HLCS: variants seen among roughly 807,000 people sequenced by gnomAD.
HLCS encodes the protein holocarboxylase synthetase.
A neutral mutation model predicts 75.0 loss-of-function variants in HLCS; 53 were observed. That is an observed-to-expected ratio of 0.71 (90% CI 0.57 to 0.89). The LOEUF (loss-of-function observed/expected upper bound fraction) is 0.89, where lower values mean the gene tolerates loss of function less well. Among genes scored for constraint, HLCS ranks in the 40% least tolerant of loss-of-function variants. The pLI is 0.00. For missense variants in HLCS, 966 were observed against 1,074.0 expected (o/e 0.90, Z 1.41); for synonymous variants, 431 against 428.6 (o/e 1.01, Z -0.07).
intron 6 of HLCS, among the ~76,000 whole-genome samples, chr21:36,837,456 T>C (rs1280506563): frequency 6.6e-6 from 1 of 152,104 alleles, no homozygotes; most frequent in African/African-American, 2.4e-5. Context: ...ATCTTGGCCA[T>C]GTCCACGTCA....
chr21:36,856,969 T>C (rs1329305173), intron 6 of HLCS, among the ~76,000 whole-genome samples: 1 of 152,246 alleles, frequency 6.6e-6, no homozygotes, highest in Admixed American at 6.5e-5. Context: ...TGCAGGCAGT[T>C]CTCACTTTGC....
intron 6 of HLCS, among the ~76,000 whole-genome samples, chr21:36,869,990 C>T (rs1336276755): frequency 2.6e-5 from 4 of 152,118 alleles, no homozygotes; most frequent in Non-Finnish European, 2.9e-5. Flanking sequence ...AAATAAAACC[C>T]GTGAACCCTA....
At chr21:36,816,608 G>A (rs1294032721) in intron 6 of HLCS, among the ~76,000 whole-genome samples, 2 of 152,180 alleles carry the variant, frequency 1.3e-5, no homozygotes, top group South Asian at 4.1e-4. Flanking sequence ...ATTGCCTTCT[G>A]CCACTCAGCC....
chr21:36,894,315 C>T (rs910496619), intron 6 of HLCS, among the ~76,000 whole-genome samples: 13 of 152,100 alleles, frequency 8.5e-5, no homozygotes, highest in African/African-American at 1.2e-4. Context: ...TATAGCAATG[C>T]GAGAACGAAC....
chr21:36,829,303 C>T (rs1312659345), intron 6 of HLCS, among the ~76,000 whole-genome samples: 2 of 152,152 alleles, frequency 1.3e-5, no homozygotes, highest in East Asian at 3.8e-4. Flanking sequence ...CTCTGCTTCC[C>T]CGCCCACCTC....
intron 6 of HLCS, among the ~76,000 whole-genome samples, chr21:36,857,834 G>A (rs1355601427): frequency 6.6e-6 from 1 of 152,106 alleles, no homozygotes; most frequent in Non-Finnish European, 1.5e-5. Context: ...CTGTTACCCA[G>A]GCTGAAGTGC....
intron 6 of HLCS, among the ~76,000 whole-genome samples, chr21:36,849,521 G>A (rs75707667): frequency 0.016 from 2,405 of 152,276 alleles, 66 homozygotes; most frequent in African/African-American, 0.054. Context: ...AGGAAGGCTC[G>A]GAGGCTGGAG....
chr21:36,808,273 G>A (rs1424960758), intron 6 of HLCS, among the ~76,000 whole-genome samples: 2 of 151,908 alleles, frequency 1.3e-5, no homozygotes, highest in Non-Finnish European at 2.9e-5. Flanking sequence ...AAAAACCCAA[G>A]GTTAAATGGT....
At chr21:36,876,194 T>G (rs1434124107) in intron 6 of HLCS, among the ~76,000 whole-genome samples, 2 of 151,776 alleles carry the variant, frequency 1.3e-5, no homozygotes, top group Non-Finnish European at 2.9e-5. Flanking sequence ...AGGCTGAGAG[T>G]GCGAGCCAAG....
chr21:36,759,958 C>CT, intron 8 of HLCS, 117 bp from the exon 9 acceptor site: 1 of 750,170 alleles, frequency 1.3e-6, no homozygotes, highest in South Asian at 1.4e-5. Context: ...GTCCTCTCCT[C>CT]TTTTTCAGGC....
intron 6 of HLCS, among the ~76,000 whole-genome samples, chr21:36,775,607 A>C (rs1034163856): frequency 2.6e-5 from 4 of 152,228 alleles, no homozygotes; most frequent in Non-Finnish European, 4.4e-5. Context: ...TACTCAGACT[A>C]TCTGTCCCCA....
At chr21:36,871,107 G>A (rs561535869) in intron 6 of HLCS, among the ~76,000 whole-genome samples, 30 of 152,242 alleles carry the variant, frequency 2.0e-4, no homozygotes, top group African/African-American at 5.8e-4. Context: ...CTCGTATTCC[G>A]CACACACTTG....
intron 8 of HLCS, among the ~76,000 whole-genome samples, chr21:36,760,689 T>A (rs1272737509): frequency 6.6e-6 from 1 of 151,600 alleles, no homozygotes; most frequent in Non-Finnish European, 1.5e-5. Flanking sequence ...CTGCTAATGG[T>A]CATCTTGGGT....
intron 6 of HLCS, among the ~76,000 whole-genome samples, chr21:36,833,856 G>A (rs1182717420): frequency 6.6e-6 from 1 of 152,090 alleles, no homozygotes. Context: ...ATTTGCTCAC[G>A]AGCTATGGAC....
At chr21:36,927,092 GTGTT>G (rs1208764574) in intron 5 of HLCS, among the ~76,000 whole-genome samples, 1 of 152,144 alleles carries the variant, frequency 6.6e-6, no homozygotes, top group Non-Finnish European at 1.5e-5. Context: ...GTGTGTTTGT[GTGTT>G]TGTTTTATGG....
At chr21:36,888,443 A>ATAT (rs2064588111) in intron 6 of HLCS, among the ~76,000 whole-genome samples, 3 of 28,306 alleles carry the variant, frequency 1.1e-4, no homozygotes, top group Non-Finnish European at 1.4e-4. Flanking sequence ...AAAAAAAAAA[A>ATAT]AAATATATAT....
chr21:36,895,540 C>T (rs2064979479), intron 6 of HLCS, among the ~76,000 whole-genome samples: 1 of 152,144 alleles, frequency 6.6e-6, no homozygotes, highest in Admixed American at 6.6e-5. Flanking sequence ...CCAGCCTGCC[C>T]CCATTGCTCT....
chr21:36,968,175 G>A (rs749329658), upstream of HLCS, among the ~76,000 whole-genome samples: 9 of 152,072 alleles, frequency 5.9e-5, no homozygotes, highest in Non-Finnish European at 1.3e-4. Context: ...TTTTCATAGA[G>A]ACAGGGTCTC....
At chr21:36,965,536 T>C (rs927217517) in intron 1 of HLCS, among the ~76,000 whole-genome samples, 2 of 152,024 alleles carry the variant, frequency 1.3e-5, no homozygotes, top group Non-Finnish European at 2.9e-5. Flanking sequence ...ACCACCATCC[T>C]AAGCACTGGG....
Sources: gnomAD v4.1 joint callset for allele counts (sites outside exome capture counted in the v4.1 genomes callset) on GRCh38, gnomAD v4.1.1 for gene constraint, MANE v1.5 for transcripts, NCBI Gene and HGNC (gene_info 2026-07-23, HGNC 2026-07-21) for gene names.